Variants in NEBL observed in about 807,000 individuals in gnomAD.
NEBL encodes nebulette, also known as LIM and SH3 protein 2.
A neutral mutation model predicts 140.2 loss-of-function variants in NEBL; 122 were observed. The observed-to-expected ratio is 0.87, with a 90% CI of 0.75 to 1.01. The LOEUF is 1.01. Ranked by LOEUF, NEBL falls within the 50% of genes least tolerant of loss-of-function variation. NEBL has a pLI of 0.00. For synonymous variants in NEBL, 436 were observed against 398.9 expected, an observed-to-expected ratio of 1.09 and a Z score of -1.11; for missense variants, 1,365 against 1,231.3, an observed-to-expected ratio of 1.11 and a Z score of -1.62.
intron 5 of NEBL, among the ~76,000 whole-genome samples, chr10:20,872,266 A>G (rs2131260763): frequency 6.6e-6 from 1 of 152,270 alleles, no homozygotes; most frequent in African/African-American, 2.4e-5. Context: ...ATGTGACTCA[A>G]AACAAATATT....
intron 2 of NEBL, among the ~76,000 whole-genome samples, chr10:21,118,874 A>G (rs1430123431): frequency 2.0e-5 from 3 of 152,200 alleles, no homozygotes; most frequent in African/African-American, 7.2e-5. Flanking sequence ...ATTGGGTGTT[A>G]CAGTTCAGCA....
At chr10:21,053,062 G>GT (rs1469161323) in intron 2 of NEBL, among the ~76,000 whole-genome samples, 1 of 152,106 alleles carries the variant, frequency 6.6e-6, no homozygotes, top group Non-Finnish European at 1.5e-5. Context: ...CTAATGCCTT[G>GT]ATTTGATCAC....
chr10:21,082,535 T>TAAAAAAAAAAAAA lies in NEBL; in HGVS notation c.165-62347_165-62335dup, dbSNP rs61234594. Among the ~76,000 whole-genome samples the TAAAAAAAAAAAAA allele has an allele frequency of 4.4e-4, 52 of 117,270 alleles. 2 individuals carry two copies. The highest frequency in any genetic ancestry group is 1.1e-3 in the South Asian group (4 of 3,548). 76.9% of individuals were successfully genotyped at this position (117,270 alleles called of 152,430 possible). On this transcript the variant is annotated intron_variant, in intron 2 of 6. Transcript: ENST00000417816. ...AGTTTGAAGTGTTCCCCACCACCAC[T>TAAAAAAAAAAAAA]AAAAAAAAAAAAAAAAAAAAAAAAA...
intron 2 of NEBL, among the ~76,000 whole-genome samples, chr10:21,168,187 T>A (rs1416168001): frequency 6.6e-6 from 1 of 152,242 alleles, no homozygotes; most frequent in Non-Finnish European, 1.5e-5. Flanking sequence ...ATATTTAAAC[T>A]GAAGAAGCAC....
intron 3 of NEBL, among the ~76,000 whole-genome samples, chr10:21,014,137 T>G (rs1044399666): frequency 6.6e-6 from 1 of 152,000 alleles, no homozygotes; most frequent in Non-Finnish European, 1.5e-5. Flanking sequence ...ATTAATATTA[T>G]TTTAGATTTA....
intron 3 of NEBL, among the ~76,000 whole-genome samples, chr10:20,996,026 C>G (rs2131699097): frequency 6.6e-6 from 1 of 152,236 alleles, no homozygotes; most frequent in Non-Finnish European, 1.5e-5. Flanking sequence ...TTCCTTCACA[C>G]AACTTATCTT....
chr10:21,048,683 T>C (rs1019251284), intron 2 of NEBL, among the ~76,000 whole-genome samples: 11 of 151,382 alleles, frequency 7.3e-5, no homozygotes, highest in African/African-American at 2.2e-4. Context: ...CAAGCAAGAG[T>C]TGATATTGCA....
rs1255193185 is a variant in NEBL, at chr10:20,781,043, C to A, written c.*4704G>T. 6.6e-6 allele frequency: 1 copy of A among 152,378 alleles called. No homozygotes were observed. Among genetic ancestry groups the A allele is most frequent in the Admixed American group, 6.6e-5 (1 of 15,256 alleles). 9.4% of individuals were successfully genotyped at this position (152,378 alleles called of 1,614,324 possible). ...TCTTATTACACATTAACTGCGACAT[C>A]CACTAAAATGTGAACTAGTTTGCAT... On this transcript the variant is annotated 3_prime_UTR_variant, in exon 28 of 28. Coordinates refer to ENST00000377122, the MANE Select transcript of NEBL (RefSeq NM_006393.3).
intron 1 of NEBL, among the ~76,000 whole-genome samples, chr10:21,266,298 T>C (rs1320075112): frequency 1.3e-5 from 2 of 152,052 alleles, no homozygotes; most frequent in African/African-American, 2.4e-5. Context: ...CACACCACCA[T>C]GCCCGGCTAA....
intron 2 of NEBL, chr10:21,146,421 T>C: frequency 6.2e-7 from 1 of 1,613,268 alleles, no homozygotes. Context: ...ACACTCTCTC[T>C]CATATAAGCT....
At chr10:21,257,500 C>T (rs940432978) in intron 1 of NEBL, among the ~76,000 whole-genome samples, 7 of 152,184 alleles carry the variant, frequency 4.6e-5, no homozygotes, top group African/African-American at 1.7e-4. Flanking sequence ...AAGCACTGGT[C>T]CTCACCTCCA....
chr10:20,889,698 C>T, intron 3 of NEBL, 147 bp downstream of exon 3: 1 of 661,606 alleles, frequency 1.5e-6, no homozygotes, highest in East Asian at 2.8e-5. Flanking sequence ...AATGACAGCG[C>T]ATCACATTAG....
rs1588581594 is a variant in NEBL at position 21,267,903 on chromosome 10, A to G, written n.183-16075T>C. On this transcript the variant is annotated intron_variant and non_coding_transcript_variant, in intron 1 of 8. Coordinates refer to the NEBL transcript ENST00000675702. ...ATCTATGGGACAGAGCTGCTCTATAATTCAGCCAGAAGGTCAGAAGCTTCA... is the reference window on the plus strand; with the variant it reads ...ATCTATGGGACAGAGCTGCTCTATAGTTCAGCCAGAAGGTCAGAAGCTTCA... Among the ~76,000 whole-genome samples the G allele has an allele frequency of 3.3e-5, 5 of 152,290 alleles. No homozygotes were observed. In the Middle Eastern group the frequency reaches 0.017, roughly 518 times the overall value.
chr10:20,873,272 A>G (rs1280962119), intron 5 of NEBL, among the ~76,000 whole-genome samples: 1 of 152,190 alleles, frequency 6.6e-6, no homozygotes, highest in African/African-American at 2.4e-5. Flanking sequence ...GGAACAGTGG[A>G]CTGGCCTTCA....
intron 3 of NEBL, among the ~76,000 whole-genome samples, chr10:21,007,574 C>T (rs180718857): frequency 9.9e-5 from 15 of 152,188 alleles, no homozygotes; most frequent in East Asian, 3.9e-4. Context: ...TATCATCTGA[C>T]GGCACAATAT....
intron 3 of NEBL, among the ~76,000 whole-genome samples, chr10:21,187,349 G>T (rs1017058084): frequency 6.6e-6 from 1 of 152,128 alleles, no homozygotes; most frequent in Non-Finnish European, 1.5e-5. Context: ...GACAGGAAGA[G>T]AAGTTTTTTG....
intron 13 of NEBL, among the ~76,000 whole-genome samples, chr10:20,839,841 G>T (rs921893180): frequency 9.2e-5 from 14 of 152,024 alleles, no homozygotes; most frequent in African/African-American, 3.4e-4. Flanking sequence ...CTTCCCATTG[G>T]GATTACTGGC....
chr10:20,811,240 T>C (rs1265854800), intron 24 of NEBL, among the ~76,000 whole-genome samples: 4 of 152,190 alleles, frequency 2.6e-5, no homozygotes, highest in Non-Finnish European at 4.4e-5. Context: ...AATTTCAACC[T>C]CAATGGTTTT....
chr10:21,001,842 G>C (rs899087113), intron 3 of NEBL, among the ~76,000 whole-genome samples: 9 of 152,096 alleles, frequency 5.9e-5, no homozygotes, highest in African/African-American at 1.9e-4. Flanking sequence ...CGCTCTGTTA[G>C]GTAGCAATCT....
Sources: gnomAD v4.1 joint callset for allele counts (sites outside exome capture counted in the v4.1 genomes callset) on GRCh38, gnomAD v4.1.1 for gene constraint, MANE v1.5 for transcripts, NCBI Gene and HGNC (gene_info 2026-07-23, HGNC 2026-07-21) for gene names.